The following CERS4 variants were observed in gnomAD, a reference collection of about 807,000 sequenced individuals.
CERS4 encodes the protein ceramide synthase 4, also known as LAG1 homolog, ceramide synthase 4.
A neutral mutation model predicts 51.8 loss-of-function variants in CERS4; 65 were observed. That is an observed-to-expected ratio of 1.26 (90% CI 1.03 to 1.54). The LOEUF (loss-of-function observed/expected upper bound fraction) is 1.54. Among genes scored for constraint, CERS4 ranks in the 40% most tolerant of loss-of-function variants. The pLI, the probability that CERS4 is intolerant of heterozygous loss-of-function variation, is 0.00. For missense variants in CERS4, 563 were observed against 500.4 expected (o/e 1.13, Z -1.19); for synonymous variants, 228 against 208.4 (o/e 1.09, Z -0.81).
intron 2 of CERS4, among the ~76,000 whole-genome samples, chr19:8,249,545 G>A (rs931838098): frequency 2.0e-5 from 3 of 150,548 alleles, no homozygotes; most frequent in African/African-American, 7.3e-5. Flanking sequence ...CCCACCTAGA[G>A]AGGAGCCTAC....
At chr19:8,261,501 C>A in intron 10 of CERS4, 187 bp from the exon 11 acceptor site, 1 of 631,376 alleles carries the variant, frequency 1.6e-6, no homozygotes. Context: ...GTGTTCTGCT[C>A]ATTTAGTACA....
chr19:8,215,566 G>T (rs1206250875), intron 2 of CERS4, among the ~76,000 whole-genome samples: 1 of 151,764 alleles, frequency 6.6e-6, no homozygotes, highest in Non-Finnish European at 1.5e-5. Flanking sequence ...CCAGGCAAAA[G>T]AGAGAGAACT....
intron 2 of CERS4, among the ~76,000 whole-genome samples, chr19:8,211,328 C>G (rs1258537287): frequency 6.6e-6 from 1 of 152,106 alleles, no homozygotes; most frequent in African/African-American, 2.4e-5. Context: ...CTGCCCTGTC[C>G]CCTTCTCTGA....
Position 8,255,810 on chromosome 19 carries a change from C to T in CERS4, c.411-12C>T. ...GTGTCTGCTATTTTCACAGCTCCCT[C>T]CCCATCCACAGCTGGAGGTTTCTCT... On this transcript the variant is annotated splice_polypyrimidine_tract_variant and intron_variant, in intron 5 of 11. Transcript: ENST00000251363. 6.2e-7 allele frequency: 1 copy of T among 1,613,894 alleles called. No homozygotes were observed.
At chr19:8,253,449 CT>C (rs35212733) in intron 3 of CERS4, among the ~76,000 whole-genome samples, 9,835 of 74,764 alleles carry the variant, frequency 0.13, 150 homozygotes, top group Non-Finnish European at 0.18. Flanking sequence ...GTCCAGCTGC[CT>C]TTTTTTTTTT....
At chr19:8,254,645 C>G (rs1458722931) in intron 4 of CERS4, 29 bp downstream of exon 4, 16 of 1,566,796 alleles carry the variant, frequency 1.0e-5, no homozygotes, top group Non-Finnish European at 1.4e-5. Context: ...CTCCGACCCG[C>G]ACTACTGCCC....
Position 8,251,254 on chromosome 19 carries a change from G to C in CERS4, c.173+5G>C. The C allele has an allele frequency of 2.5e-6, 4 of 1,589,036 alleles. No homozygotes were observed. The highest frequency in any genetic ancestry group is 3.4e-6 in the Non-Finnish European group (4 of 1,168,332). The stretch of plus-strand genomic sequence containing the variant: ...CATGCGCCTTGCCTTTGAGAGGTGA[G>C]TGTCTGCCCTGCCGCAATCCATTGC... On this transcript the variant is annotated splice_donor_5th_base_variant and intron_variant, in intron 3 of 11. Coordinates refer to ENST00000251363, the MANE Select transcript of CERS4 (RefSeq NM_024552.3).
intron 3 of CERS4, among the ~76,000 whole-genome samples, chr19:8,252,076 A>T (rs201636830): frequency 3.6e-5 from 5 of 139,580 alleles, no homozygotes; most frequent in African/African-American, 1.3e-4. Flanking sequence ...AAAAAAAAAA[A>T]ATACAAAAAT....
intron 2 of CERS4, among the ~76,000 whole-genome samples, chr19:8,234,030 G>A (rs1262640237): frequency 1.3e-5 from 2 of 151,252 alleles, no homozygotes; most frequent in Admixed American, 6.6e-5. Context: ...GAGTCGGCTG[G>A]GCGTGGTGGC....
intron 2 of CERS4, among the ~76,000 whole-genome samples, chr19:8,220,919 T>C (rs1967509497): frequency 1.3e-5 from 2 of 151,940 alleles, no homozygotes; most frequent in Admixed American, 6.6e-5. Flanking sequence ...CCTCCTGGGT[T>C]CATGCCGTTC....
At chr19:8,217,145 C>T (rs1016047185) in intron 2 of CERS4, among the ~76,000 whole-genome samples, 12 of 151,946 alleles carry the variant, frequency 7.9e-5, no homozygotes, top group African/African-American at 2.4e-4. Flanking sequence ...AGCAAGGAGA[C>T]GTTACTTTAT....
intron 8 of CERS4, 56 bp downstream of exon 8, chr19:8,256,766 T>C: frequency 1.3e-6 from 2 of 1,587,356 alleles, no homozygotes; most frequent in Non-Finnish European, 1.7e-6. Flanking sequence ...GCTGGGGTGC[T>C]GGGGGGTAGG....
intron 2 of CERS4, among the ~76,000 whole-genome samples, chr19:8,230,420 A>C (rs2927724): frequency 0.86 from 130,039 of 152,090 alleles, 55,708 homozygotes; most frequent in African/African-American, 0.91. Flanking sequence ...AAACTCCTGG[A>C]CCCAAGTGAT....
chr19:8,224,322 G>A (rs1466853839), intron 2 of CERS4, among the ~76,000 whole-genome samples: 3 of 150,884 alleles, frequency 2.0e-5, no homozygotes, highest in African/African-American at 4.9e-5. Flanking sequence ...CAGGAGAATC[G>A]CTTGAACCTG....
At chr19:8,215,514 T>G (rs1348393506) in intron 2 of CERS4, among the ~76,000 whole-genome samples, 1 of 150,412 alleles carries the variant, frequency 6.6e-6, no homozygotes, top group African/African-American at 2.4e-5. Context: ...AGCGGGTGTG[T>G]CTGGGGGATG....
At chr19:8,246,798 C>T (rs1053589871) in intron 2 of CERS4, among the ~76,000 whole-genome samples, 2 of 152,006 alleles carry the variant, frequency 1.3e-5, no homozygotes, top group African/African-American at 4.8e-5. Context: ...AGGGGAGAAT[C>T]TAGTGGTGGG....
At position 8,210,183 on chromosome 19, in the gene CERS4, A is replaced by G. The variant is rs979477047; in HGVS notation, c.-158-523A>G. On this transcript the variant is annotated intron_variant, in intron 1 of 11. Transcript: ENST00000251363. The surrounding 1 kb of genome is among the most constrained non-coding windows in gnomAD (Gnocchi z 4.2). ...GGCGGTGGGGACCAGGGAGGCTTGG[A>G]ACAGCAGGTGCATGGCGTGATCGGA... Among the ~76,000 whole-genome samples the G allele has an allele frequency of 2.6e-5, 4 of 152,056 alleles. No homozygotes were observed. Among genetic ancestry groups the G allele is most frequent in the Admixed American group, 6.6e-5 (1 of 15,250 alleles).
chr19:8,210,812 C>A lies in CERS4; in HGVS notation c.-52C>A. The A allele has an allele frequency of 6.6e-6, 1 of 152,064 alleles. No individual in the cohort carries two copies. 9.4% of individuals were successfully genotyped at this position (152,064 alleles called of 1,614,324 possible). ...GCCCAGCCAGGCGTGGAGGAAGAGG[C>A]ATTGAGGACTTTCCTTACCTGTTTT... On this transcript the variant is annotated 5_prime_UTR_variant, in exon 2 of 12. Coordinates refer to ENST00000251363, the MANE Select transcript of CERS4 (RefSeq NM_024552.3). This position sits in a 1 kb window ranked among gnomAD's most constrained non-coding sequence, Gnocchi z 4.2.
At chr19:8,255,290 G>A (rs1312942412) in intron 4 of CERS4, among the ~76,000 whole-genome samples, 3 of 152,158 alleles carry the variant, frequency 2.0e-5, no homozygotes, top group Admixed American at 6.6e-5. Context: ...TAGGTTGGAG[G>A]TGAGAACTGA....
Sources: allele counts gnomAD v4.1 joint callset (sites outside exome capture counted in the v4.1 genomes callset), GRCh38; gene constraint gnomAD v4.1.1; non-coding constraint Gnocchi (gnomAD v3.1); transcripts MANE v1.5; gene names NCBI Gene and HGNC (gene_info 2026-07-23, HGNC 2026-07-21).